MICAL1: variants seen among roughly 807,000 people sequenced by gnomAD.
The protein encoded by MICAL1 is microtubule associated monooxygenase, calponin and LIM domain containing 1, also known as [F-actin]-monooxygenase MICAL1.
Under a neutral mutation model 131.8 loss-of-function variants are expected in MICAL1, and 95 were observed. The observed-to-expected ratio is 0.72, with a 90% CI of 0.61 to 0.86. The LOEUF (loss-of-function observed/expected upper bound fraction) is 0.86, where lower values mean the gene tolerates loss of function less well. Ranked by LOEUF, MICAL1 falls within the 40% of genes least tolerant of loss-of-function variation. The probability of loss-of-function intolerance (pLI) is 0.00; values close to 1 mark genes in which losing one functional copy is unlikely to be tolerated. For synonymous variants in MICAL1, 546 were observed against 554.2 expected, an observed-to-expected ratio of 0.99 and a Z score of 0.21; for missense variants, 1,292 against 1,380.6, an observed-to-expected ratio of 0.94 and a Z score of 1.02.
At chr6:109,445,700 C>T in intron 20 of MICAL1, 71 bp downstream of exon 20, 2 of 1,543,770 alleles carry the variant, frequency 1.3e-6, no homozygotes, top group Non-Finnish European at 1.8e-6. Context: ...GAGAAGGGTG[C>T]AGTGGACCAG....
chr6:109,455,044 T>TACCCC lies in MICAL1; in HGVS notation c.-44+670_-44+674dup, dbSNP rs1219779779. On this transcript the variant is annotated intron_variant, in intron 1 of 24. Transcript: ENST00000358807. The surrounding 1 kb of genome is among the most constrained non-coding windows in gnomAD (Gnocchi z 4.7). The stretch of plus-strand genomic sequence containing the variant: ...GGTTCCCCCCTCCCTGATCGACCCC[T>TACCCC]ACCCCGCCCCGCCCCCTGTGCGCCC... 1.6e-4 allele frequency among the ~76,000 whole-genome samples: 17 copies of TACCCC among 104,774 alleles called. No individual in the cohort carries two copies. Among genetic ancestry groups the TACCCC allele is most frequent in the African/African-American group, 6.1e-4 (17 of 27,706 alleles). The allele number at this position is 104,774 out of a possible 152,430, so 68.7% of individuals were successfully genotyped here. A position where few individuals can be genotyped will look rare whatever the true frequency, so the allele number is the denominator to read the frequency against.
intron 1 of MICAL1, chr6:109,465,655 A>G (rs752388058): frequency 2.6e-6 from 4 of 1,566,536 alleles, no homozygotes; most frequent in Non-Finnish European, 3.4e-6. Context: ...GCTCAATACA[A>G]ATCAGTACCT....
chr6:109,454,625 T>G, intron 1 of MICAL1: 1 of 234,218 alleles, frequency 4.3e-6, no homozygotes. Context: ...AGAGCTGCCT[T>G]TGCATGCAAC....
chr6:109,459,791 C>G (rs1775842198), upstream of MICAL1, among the ~76,000 whole-genome samples: 1 of 152,010 alleles, frequency 6.6e-6, no homozygotes, highest in South Asian at 2.1e-4. Flanking sequence ...AAACATTTAT[C>G]CAGAAGCCAC....
rs778269711 is a variant in MICAL1 at position 109,453,218 on chromosome 6, CT to C, written c.571+44del. On this transcript the variant is annotated intron_variant, in intron 4 of 24. Transcript: ENST00000358807. ...TCCTTTTTCAGACACTGGCCAAGTT[CT>C]TGATGGGGGAGGGGGAGATTCCAGG... 9 of 1,512,950 alleles carry C rather than the reference CT, an allele frequency of 5.9e-6. No homozygotes were observed. In the East Asian group the frequency reaches 1.4e-4, roughly 23 times the overall value. The allele number at this position is 1,512,950 out of a possible 1,614,324, so 93.7% of individuals were successfully genotyped here. A position where few individuals can be genotyped will look rare whatever the true frequency, so the allele number is the denominator to read the frequency against.
At position 109,454,232 on chromosome 6, in the gene MICAL1, AT is replaced by A. The variant is rs1490752319; in HGVS notation, c.-37del. The A allele has an allele frequency of 4.5e-6, 7 of 1,568,128 alleles. No homozygotes were observed. Among genetic ancestry groups the A allele is most frequent in the Non-Finnish European group, 6.1e-6 (7 of 1,156,648 alleles). On this transcript the variant is annotated 5_prime_UTR_variant, in exon 2 of 25. Coordinates refer to ENST00000358807, the MANE Select transcript of MICAL1 (RefSeq NM_022765.4). The stretch of plus-strand genomic sequence containing the variant: ...TGGGGAGGGCAGCAGCTGGGCAGAG[AT>A]GAGTGGCTGGAGAGGTGGAAAAAGA...
upstream of MICAL1, chr6:109,456,109 A>G (rs942516010): frequency 9.1e-6 from 7 of 772,036 alleles, no homozygotes; most frequent in African/African-American, 1.1e-4. Context: ...CAGGGCGCCC[A>G]GTGCTGGACC....
In MICAL1 at chr6:109,447,828, CT is replaced by C. The variant is rs767621232; in HGVS notation, c.1944+46del. 3.1e-5 allele frequency: 50 copies of C among 1,611,704 alleles called. No homozygotes were observed. In the African/African-American group the frequency reaches 5.3e-4, roughly 17 times the overall value. On this transcript the variant is annotated intron_variant, in intron 14 of 24. Coordinates refer to ENST00000358807, the MANE Select transcript of MICAL1 (RefSeq NM_022765.4). ...CCCAGGATCTCCACTGGGTACCCCCCTGCCCACTCCTCCCTGCTCAGCTCCA... is the reference window on the plus strand; with the variant it reads ...CCCAGGATCTCCACTGGGTACCCCCCGCCCACTCCTCCCTGCTCAGCTCCA...
intron 18 of MICAL1, 38 bp downstream of exon 18, chr6:109,446,657 TC>T: frequency 6.3e-7 from 1 of 1,599,132 alleles, no homozygotes; most frequent in Non-Finnish European, 8.6e-7. Context: ...CTCTTCCTCT[TC>T]CCATGCCCCA....
chr6:109,456,022 T>A, upstream of MICAL1: 1 of 986,300 alleles, frequency 1.0e-6, no homozygotes, highest in Non-Finnish European at 1.2e-6. Context: ...CCCGAGGGCG[T>A]GGCGCTGCGG....
At position 109,453,785 on chromosome 6, in the gene MICAL1, C is replaced by T. The variant is rs773809457; in HGVS notation, c.319G>A (p.Gly107Arg). Reference sequence around the variant, plus strand: ...TTTTCCACCAGCACCACTCGGGCCCCCAGCAGCGCCAGCTCCACAGCGACC... The same window carrying T: ...TTTTCCACCAGCACCACTCGGGCCCTCAGCAGCGCCAGCTCCACAGCGACC... ...LRVAVELALL[G>R]ARVVLVEKRT... is the part of the protein sequence containing the mutation. Residue 107 changes from glycine to arginine, a missense_variant, in exon 3 of 25, where the codon GGG becomes AGG. Coordinates refer to ENST00000358807, the MANE Select transcript of MICAL1 (RefSeq NM_022765.4). 1.2e-6 allele frequency: 2 copies of T among 1,613,788 alleles called. No homozygotes were observed. Among genetic ancestry groups the T allele is most frequent in the South Asian group, 2.2e-5 (2 of 91,090 alleles).
upstream of MICAL1, among the ~76,000 whole-genome samples, chr6:109,458,977 G>A (rs1435893176): frequency 6.6e-6 from 1 of 152,152 alleles, no homozygotes; most frequent in Non-Finnish European, 1.5e-5. Flanking sequence ...GAGGTTAGAG[G>A]ACAGATGAGT....
At chr6:109,446,919 G>A in intron 17 of MICAL1, 147 bp from the exon 18 acceptor site, 1 of 1,236,556 alleles carries the variant, frequency 8.1e-7, no homozygotes, top group South Asian at 1.4e-5. Context: ...CCACACATCT[G>A]GAGCTTTGCA....
chr6:109,465,497 A>G, intron 1 of MICAL1: 1 of 717,632 alleles, frequency 1.4e-6, no homozygotes, highest in Non-Finnish European at 2.2e-6. Context: ...AAAAAAACAT[A>G]ACTGGGGAGG....
chr6:109,452,150 G>A (rs1775567734), intron 6 of MICAL1, 96 bp downstream of exon 6: 3 of 1,507,574 alleles, frequency 2.0e-6, no homozygotes, highest in Non-Finnish European at 2.6e-6. Context: ...GAAAAGTGTG[G>A]AGTTCCTTGC....
intron 17 of MICAL1, 84 bp downstream of exon 17, chr6:109,446,989 C>CCTGTGCCT (rs1775253922): frequency 1.1e-5 from 16 of 1,523,432 alleles, no homozygotes; most frequent in South Asian, 2.4e-5. Context: ...CTGTTTCCAT[C>CCTGTGCCT]CTGTGCCTCT....
intron 7 of MICAL1, 75 bp from the exon 8 acceptor site, chr6:109,450,632 G>T: frequency 6.8e-7 from 1 of 1,479,804 alleles, no homozygotes; most frequent in Non-Finnish European, 9.0e-7. Flanking sequence ...CCCCTTGGGC[G>T]CAGAAGGTGC....
intron 12 of MICAL1, 84 bp from the exon 13 acceptor site, chr6:109,448,477 C>G (rs758614007): frequency 2.7e-5 from 40 of 1,463,652 alleles, no homozygotes; most frequent in Non-Finnish European, 3.8e-5. Flanking sequence ...AGGGGAGGGA[C>G]AGCAAGCAGC....
rs1341623743 is a variant in MICAL1 at position 109,449,429 on chromosome 6, T to C, written c.1487A>G (p.Asp496Gly). 2 of 1,614,064 alleles carry C rather than the reference T, an allele frequency of 1.2e-6. No homozygotes were observed. The highest frequency in any genetic ancestry group is 2.7e-5 in the African/African-American group (2 of 74,918). ...GGCTGGCATCCCTGTATCTGTCTTG[T>C]CGTTGTTCCTCTGCACAGGCTCCTT... ...LAKEPVQRNNDKTDTGMPATG... is the reference protein window; with the variant it reads ...LAKEPVQRNNGKTDTGMPATG... Residue 496 changes from aspartate to glycine, a missense_variant, in exon 11 of 25, where the codon GAC becomes GGC. Physicochemically the swap from Asp to Gly is moderately conservative, Grantham distance 94 (BLOSUM62 -1). Transcript: ENST00000358807.
Sources: gnomAD v4.1 joint callset for allele counts (sites outside exome capture counted in the v4.1 genomes callset) on GRCh38, gnomAD v4.1.1 for gene constraint, Gnocchi (gnomAD v3.1) non-coding constraint, MANE v1.5 for transcripts, NCBI Gene and HGNC (gene_info 2026-07-23, HGNC 2026-07-21) for gene names.